CLCN5: variants seen among roughly 807,000 people sequenced by gnomAD.
The protein encoded by CLCN5 is H(+)/Cl(-) exchange transporter 5.
A neutral mutation model predicts 54.0 loss-of-function variants in CLCN5; 17 were observed. The ratio of observed to expected loss-of-function variants is 0.31; its 90% confidence interval spans 0.22 to 0.47. The LOEUF (loss-of-function observed/expected upper bound fraction) is 0.47. Among genes scored for constraint, CLCN5 ranks in the 20% least tolerant of loss-of-function variants. CLCN5 has a pLI of 1.00. For synonymous variants in CLCN5, 222 were observed against 233.0 expected, an observed-to-expected ratio of 0.95 and a Z score of 0.43; for missense variants, 448 against 646.7, an observed-to-expected ratio of 0.69 and a Z score of 3.33.
intron 3 of CLCN5, among the ~76,000 whole-genome samples, chrX:49,997,854 T>C (rs1557179866): frequency 9.0e-6 from 1 of 111,111 alleles, no homozygotes. Context: ...AGATCCCATC[T>C]GTGTCTATCT....
chrX:49,934,877 C>G (rs1557169390), intron 3 of CLCN5, among the ~76,000 whole-genome samples: 1 of 112,016 alleles, frequency 8.9e-6, no homozygotes, highest in African/African-American at 3.2e-5. Context: ...CTGGCTCTGT[C>G]TATGCTAAAT....
chrX:49,980,434 G>A, intron 3 of CLCN5, among the ~76,000 whole-genome samples: 1 of 111,732 alleles, frequency 8.9e-6, no homozygotes, highest in Non-Finnish European at 1.9e-5. Context: ...TTCACTTAAT[G>A]GCTGAAATAA....
At position 50,045,462 on chromosome X, in the gene CLCN5, G is replaced by A. The variant is rs782106455; in HGVS notation, c.163+3000G>A. Among the ~76,000 whole-genome samples the A allele has an allele frequency of 2.7e-5, 3 of 112,248 alleles. No individual in the cohort carries two copies. The Admixed American group carries it at 2.8e-4, about 11-fold the overall frequency. ...TACTTAAAGTCTTCTGGTTAAACCA[G>A]AGTGGTTAATCATTGTTACTTCTAA... On this transcript the variant is annotated intron_variant, in intron 4 of 14. Coordinates refer to ENST00000376091, the MANE Select transcript of CLCN5 (RefSeq NM_001127898.4).
Position 49,941,670 on chromosome X carries a change from G to A in CLCN5, c.16+16356G>A, listed in dbSNP as rs1323614989. 2.7e-5 allele frequency among the ~76,000 whole-genome samples: 3 copies of A among 110,796 alleles called. No homozygotes were observed. In the Admixed American group the frequency reaches 2.9e-4, roughly 11 times the overall value. Reference sequence around the variant, plus strand: ...ATAACCTCCAGGTCCAGGTTCAACTGCAAACCAAACTCCAGGCAGCTCCTC... The same window carrying A: ...ATAACCTCCAGGTCCAGGTTCAACTACAAACCAAACTCCAGGCAGCTCCTC... On this transcript the variant is annotated intron_variant, in intron 3 of 14. Transcript: ENST00000376091.
At chrX:50,077,104 C>T (rs1933433244) in intron 7 of CLCN5, among the ~76,000 whole-genome samples, 1 of 111,739 alleles carries the variant, frequency 8.9e-6, no homozygotes, top group Admixed American at 9.4e-5. Flanking sequence ...GGTCTACAAA[C>T]AATTTGAGGT....
At chrX:50,088,521 C>T (rs1933973298) in intron 11 of CLCN5, 177 bp from the exon 12 acceptor site, 1 of 479,515 alleles carries the variant, frequency 2.1e-6, no homozygotes, top group East Asian at 3.5e-5. Context: ...CTGCACGTCC[C>T]AGAGAACCTC....
intron 3 of CLCN5, among the ~76,000 whole-genome samples, chrX:49,984,123 A>T (rs1025017547): frequency 8.9e-6 from 1 of 111,784 alleles, no homozygotes; most frequent in African/African-American, 3.2e-5. Context: ...TTGTGATAAT[A>T]AAAAATCCTA....
intron 3 of CLCN5, among the ~76,000 whole-genome samples, chrX:49,953,021 G>T (rs782377490): frequency 7.2e-5 from 8 of 110,384 alleles, no homozygotes; most frequent in Non-Finnish European, 1.5e-4. Flanking sequence ...GAGTAGCTGG[G>T]ATTACAGGCA....
rs1934130684 is a variant in CLCN5 at position 50,092,285 on chromosome X, G to T, written c.*66G>T. On this transcript the variant is annotated 3_prime_UTR_variant, in exon 15 of 15. Coordinates refer to ENST00000376091, the MANE Select transcript of CLCN5 (RefSeq NM_001127898.4). ...GACCATGGATATGTTGTATTAACTG[G>T]GTACCCAAAACACATTTTCCATATT... is the stretch of plus-strand genomic sequence containing the variant. The T allele has an allele frequency of 3.9e-6, 3 of 771,751 alleles. No individual in the cohort carries two copies. Among genetic ancestry groups the T allele is most frequent in the Non-Finnish European group, 6.0e-6 (3 of 499,482 alleles). 63.6% of individuals were successfully genotyped at this position (771,751 alleles called of 1,213,427 possible). A position where few individuals can be genotyped will look rare whatever the true frequency, so the allele number is the denominator to read the frequency against.
At chrX:50,008,946 T>A (rs781978006) in intron 3 of CLCN5, 16 of 384,436 alleles carry the variant, frequency 4.2e-5, no homozygotes, top group Non-Finnish European at 5.7e-5. Context: ...TGTCAGAGCC[T>A]TCTTGTCTGC....
intron 3 of CLCN5, among the ~76,000 whole-genome samples, chrX:50,030,775 A>G (rs782088112): frequency 3.6e-5 from 4 of 112,536 alleles, no homozygotes; most frequent in Non-Finnish European, 7.5e-5. Flanking sequence ...TGGATTTAAA[A>G]TTTTTATCTG....
chrX:50,068,708 T>C (rs1933123417), intron 4 of CLCN5, among the ~76,000 whole-genome samples: 1 of 109,528 alleles, frequency 9.1e-6, no homozygotes, highest in African/African-American at 3.3e-5. Flanking sequence ...GGAGAGGGAG[T>C]CAGCTCAGGC....
intron 3 of CLCN5, among the ~76,000 whole-genome samples, chrX:49,957,859 C>T (rs1303234867): frequency 5.4e-5 from 6 of 111,590 alleles, no homozygotes; most frequent in African/African-American, 1.6e-4. Context: ...CCTCCAGATT[C>T]CTCCAGTGAT....
At chrX:49,956,929 T>TGG (rs1194975260) in intron 3 of CLCN5, among the ~76,000 whole-genome samples, 1 of 111,790 alleles carries the variant, frequency 8.9e-6, no homozygotes, top group Non-Finnish European at 1.9e-5. Context: ...GGAATTGACT[T>TGG]GGTCCTGTAT....
intron 3 of CLCN5, among the ~76,000 whole-genome samples, chrX:50,026,002 T>G (rs1472367024): frequency 3.6e-5 from 4 of 112,224 alleles, no homozygotes; most frequent in African/African-American, 1.3e-4. Context: ...TCTTCTTTAT[T>G]AATATATGCA....
chrX:50,017,268 C>T (rs1260228625), intron 3 of CLCN5, among the ~76,000 whole-genome samples: 1 of 112,043 alleles, frequency 8.9e-6, no homozygotes, highest in African/African-American at 3.2e-5. Context: ...GTTCCTGTTA[C>T]TCCATATCCT....
chrX:50,041,572 A>G lies in CLCN5; in HGVS notation c.17-744A>G, dbSNP rs1012046862. Among the ~76,000 whole-genome samples, 7 of 110,784 alleles carry G rather than the reference A, an allele frequency of 6.3e-5. No individual in the cohort carries two copies. The East Asian group carries it at 8.5e-4, about 13-fold the overall frequency. ...CGTCTGGGAGAGTCAGAAGAATAAG[A>G]TAATTTTTTTTCCCCATTCTCAAAT... On this transcript the variant is annotated intron_variant, in intron 3 of 14. Coordinates refer to ENST00000376091, the MANE Select transcript of CLCN5 (RefSeq NM_001127898.4).
chrX:50,074,510 G>A (rs1240801496), intron 6 of CLCN5, among the ~76,000 whole-genome samples: 2 of 111,863 alleles, frequency 1.8e-5, no homozygotes, highest in African/African-American at 6.5e-5. Context: ...CCGAATCCAG[G>A]CAGTAACAGA....
At chrX:50,035,329 T>C (rs782207764) in intron 3 of CLCN5, among the ~76,000 whole-genome samples, 1 of 111,244 alleles carries the variant, frequency 9.0e-6, no homozygotes, top group South Asian at 3.8e-4. Context: ...AGGTAAAGAT[T>C]TATTGAGTGT....
Sources: allele counts gnomAD v4.1 joint callset (sites outside exome capture counted in the v4.1 genomes callset), GRCh38; gene constraint gnomAD v4.1.1; transcripts MANE v1.5; gene names NCBI Gene and HGNC (gene_info 2026-07-23, HGNC 2026-07-21).